The following ATAD2B variants were observed in gnomAD, a reference collection of about 807,000 sequenced individuals.
ATAD2B encodes the protein ATPase family AAA domain-containing protein 2B.
ATAD2B carries 40 observed loss-of-function variants against 167.6 expected under a neutral mutation model. The observed-to-expected ratio is 0.24, with a 90% CI of 0.19 to 0.31. The LOEUF is 0.31. Among genes scored for constraint, ATAD2B ranks in the 10% least tolerant of loss-of-function variants. ATAD2B has a pLI of 1.00. For missense variants in ATAD2B, 1,242 were observed against 1,757.2 expected, an observed-to-expected ratio of 0.71 and a Z score of 5.24; for synonymous variants, 579 against 596.5, an observed-to-expected ratio of 0.97 and a Z score of 0.43.
At chr2:23,831,014 CAA>C (rs1294322784) in intron 14 of ATAD2B, among the ~76,000 whole-genome samples, 1 of 152,092 alleles carries the variant, frequency 6.6e-6, no homozygotes, top group Non-Finnish European at 1.5e-5. Context: ...ATAACCCAAT[CAA>C]AGTCACTTTC....
intron 24 of ATAD2B, among the ~76,000 whole-genome samples, chr2:23,761,297 C>T (rs1482858972): frequency 1.3e-5 from 2 of 152,184 alleles, no homozygotes; most frequent in African/African-American, 2.4e-5. Context: ...AAATTCAATG[C>T]CACTGGTGAA....
intron 17 of ATAD2B, among the ~76,000 whole-genome samples, chr2:23,811,946 T>C (rs1685663376): frequency 6.6e-6 from 1 of 151,996 alleles, no homozygotes; most frequent in Non-Finnish European, 1.5e-5. Context: ...AGATGACATC[T>C]AAAGCTCCAT....
At chr2:23,909,451 TACAC>T (rs150415566) in intron 1 of ATAD2B, among the ~76,000 whole-genome samples, 6 of 149,074 alleles carry the variant, frequency 4.0e-5, no homozygotes, top group Non-Finnish European at 7.4e-5. Flanking sequence ...TATATATATA[TACAC>T]ACACACACAC....
intron 22 of ATAD2B, among the ~76,000 whole-genome samples, chr2:23,766,823 T>C (rs900186183): frequency 2.0e-5 from 3 of 151,662 alleles, no homozygotes; most frequent in Admixed American, 6.6e-5. Flanking sequence ...GGTTCCAATT[T>C]AGATTGAGCA....
chr2:23,711,433 G>A, the ATAD2B span, among the ~76,000 whole-genome samples: 3 of 125,510 alleles, frequency 2.4e-5, no homozygotes, highest in South Asian at 2.7e-4. Flanking sequence ...GCAATGACAC[G>A]ACCTGGGGTC....
At chr2:23,753,010 G>C (rs990855463) in intron 27 of ATAD2B, among the ~76,000 whole-genome samples, 2 of 151,978 alleles carry the variant, frequency 1.3e-5, no homozygotes, top group African/African-American at 2.4e-5. Flanking sequence ...AGAAGTTCTA[G>C]AATTAAAAAA....
intron 1 of ATAD2B, among the ~76,000 whole-genome samples, chr2:23,909,542 C>T (rs2150518477): frequency 6.6e-6 from 1 of 151,640 alleles, no homozygotes; most frequent in African/African-American, 2.4e-5. Context: ...ATGGGTATAA[C>T]CTATGAGTTG....
intron 12 of ATAD2B, among the ~76,000 whole-genome samples, chr2:23,858,640 C>T (rs755162801): frequency 1.3e-5 from 2 of 151,946 alleles, no homozygotes; most frequent in Non-Finnish European, 2.9e-5. Flanking sequence ...GGGACCAACA[C>T]GCCCAGCTAA....
chr2:23,897,429 C>A (rs768358742), intron 1 of ATAD2B, among the ~76,000 whole-genome samples: 2 of 152,166 alleles, frequency 1.3e-5, no homozygotes, highest in Admixed American at 6.5e-5. Context: ...TCTCTACCAA[C>A]CAGCCTTAGT....
chr2:23,856,230 C>T, intron 13 of ATAD2B: 1 of 164,384 alleles, frequency 6.1e-6, no homozygotes. Context: ...TTATTTTAAA[C>T]TTGGGATATT....
chr2:23,822,553 T>C (rs1687604958), intron 16 of ATAD2B, among the ~76,000 whole-genome samples: 1 of 150,670 alleles, frequency 6.6e-6, no homozygotes, highest in African/African-American at 2.4e-5. Flanking sequence ...TCAAAAAAAA[T>C]AAATTACCAG....
chr2:23,699,263 C>T, the ATAD2B span, among the ~76,000 whole-genome samples: 2 of 152,276 alleles, frequency 1.3e-5, no homozygotes, highest in African/African-American at 2.4e-5. Flanking sequence ...AAGCAGGCCC[C>T]GTATGCCTCC....
the ATAD2B span, among the ~76,000 whole-genome samples, chr2:23,724,530 T>G: frequency 6.6e-6 from 1 of 152,120 alleles, no homozygotes; most frequent in Non-Finnish European, 1.5e-5. Flanking sequence ...GGTCTAACAC[T>G]CATGTCACTG....
At chr2:23,826,461 T>A (rs187334520) in intron 15 of ATAD2B, among the ~76,000 whole-genome samples, 60 of 152,280 alleles carry the variant, frequency 3.9e-4, no homozygotes, top group African/African-American at 1.4e-3. Flanking sequence ...ATTATAAACA[T>A]CCCTTTCATA....
chr2:23,755,839 A>T (rs1415633788), intron 25 of ATAD2B, among the ~76,000 whole-genome samples: 1 of 152,160 alleles, frequency 6.6e-6, no homozygotes, highest in African/African-American at 2.4e-5. Context: ...AATGTGAAAG[A>T]CTTCATAGTT....
chr2:23,848,854 C>A (rs899954978), intron 13 of ATAD2B, among the ~76,000 whole-genome samples: 2 of 152,100 alleles, frequency 1.3e-5, no homozygotes, highest in Non-Finnish European at 2.9e-5. Context: ...ATGGTATTTT[C>A]ATTGTCTTGA....
At chr2:23,778,931 T>C (rs1014386677) in intron 22 of ATAD2B, among the ~76,000 whole-genome samples, 6 of 152,116 alleles carry the variant, frequency 3.9e-5, no homozygotes, top group Non-Finnish European at 7.3e-5. Flanking sequence ...GCTGAAGGTA[T>C]AGGCACACAA....
In ATAD2B at chr2:23,926,937, G is replaced by A. The variant is rs977851586; in HGVS notation, c.-167C>T. 28 of 820,588 alleles carry A rather than the reference G, an allele frequency of 3.4e-5. 1 individual carries two copies. Among genetic ancestry groups the A allele is most frequent in the Non-Finnish European group, 4.4e-5 (25 of 565,150 alleles). The allele number at this position is 820,588 out of a possible 1,614,324, so 50.8% of individuals were successfully genotyped here. ...CACAAGAGAGAGCCGGGCAGAGGAA[G>A]GGAAGTCGGCGTGAGCAGGCGGCGT... On this transcript the variant is annotated 5_prime_UTR_variant, in exon 1 of 28. Transcript: ENST00000238789.
intron 7 of ATAD2B, among the ~76,000 whole-genome samples, chr2:23,877,226 C>A (rs1437320986): frequency 1.3e-5 from 2 of 151,782 alleles, no homozygotes; most frequent in Admixed American, 6.6e-5. Flanking sequence ...TCCTAGGCAA[C>A]GCGGTAAGAA....
Sources: gnomAD v4.1 joint callset for allele counts (sites outside exome capture counted in the v4.1 genomes callset) on GRCh38, gnomAD v4.1.1 for gene constraint, MANE v1.5 for transcripts, NCBI Gene and HGNC (gene_info 2026-07-23, HGNC 2026-07-21) for gene names.